SH3BGRL2: variants seen among roughly 807,000 people sequenced by gnomAD.
SH3BGRL2 encodes the protein SH3 domain-binding glutamic acid-rich-like protein 2.
A neutral mutation model predicts 14.8 loss-of-function variants in SH3BGRL2; 21 were observed. The observed-to-expected ratio is 1.42, with a 90% CI of 1.01 to 2.05. SH3BGRL2 has a LOEUF of 2.05. SH3BGRL2 is among the 30% of genes most tolerant of loss of function. SH3BGRL2 has a pLI of 0.00. For synonymous variants in SH3BGRL2, 50 were observed against 47.8 expected (o/e 1.05, Z -0.19); for missense variants, 147 against 130.8 (o/e 1.12, Z -0.61).
intron 2 of SH3BGRL2, among the ~76,000 whole-genome samples, chr6:79,692,933 T>A (rs562357468): frequency 2.0e-5 from 3 of 152,214 alleles, no homozygotes; most frequent in Non-Finnish European, 4.4e-5. Context: ...ATTTAATCTA[T>A]AAATTACCTT....
the SH3BGRL2 span, among the ~76,000 whole-genome samples, chr6:79,619,946 T>G: frequency 6.6e-6 from 1 of 152,228 alleles, no homozygotes. Flanking sequence ...AGAAAAATAT[T>G]GCACAATGAA....
chr6:79,619,618 C>T, the SH3BGRL2 span, among the ~76,000 whole-genome samples: 1 of 152,204 alleles, frequency 6.6e-6, no homozygotes, highest in African/African-American at 2.4e-5. Context: ...GAATTCATCA[C>T]ATCAACTCCA....
intron 2 of SH3BGRL2, among the ~76,000 whole-genome samples, chr6:79,692,752 T>G (rs1424326747): frequency 2.0e-5 from 3 of 152,208 alleles, no homozygotes; most frequent in African/African-American, 7.2e-5. Flanking sequence ...CTGTTTTGGT[T>G]ACTGTAGCCT....
the SH3BGRL2 span, among the ~76,000 whole-genome samples, chr6:79,557,643 T>G: frequency 1.3e-5 from 2 of 152,194 alleles, no homozygotes; most frequent in Non-Finnish European, 2.9e-5. Context: ...GTTTGGAATA[T>G]TTACATTTGG....
At chr6:79,674,341 T>C (rs1040899612) in intron 2 of SH3BGRL2, among the ~76,000 whole-genome samples, 2 of 152,114 alleles carry the variant, frequency 1.3e-5, no homozygotes, top group African/African-American at 4.8e-5. Context: ...TCAGTGCACC[T>C]CATATATGAA....
chr6:79,660,210 T>C (rs936661946), intron 1 of SH3BGRL2, among the ~76,000 whole-genome samples: 4 of 152,158 alleles, frequency 2.6e-5, no homozygotes, highest in African/African-American at 9.7e-5. Flanking sequence ...GCATCCTTGT[T>C]TTGTGCCAGT....
chr6:79,627,083 C>G (rs141764861), upstream of SH3BGRL2, among the ~76,000 whole-genome samples: 1 of 152,106 alleles, frequency 6.6e-6, no homozygotes, highest in African/African-American at 2.4e-5. Context: ...TCTATTTCCC[C>G]GGGCCACAGA....
intron 1 of SH3BGRL2, among the ~76,000 whole-genome samples, chr6:79,661,278 A>G (rs1262965575): frequency 1.1e-4 from 17 of 152,144 alleles, no homozygotes. Flanking sequence ...AGTACTATAA[A>G]TTTCCCTCTA....
chr6:79,563,734 G>C, the SH3BGRL2 span, among the ~76,000 whole-genome samples: 1 of 152,080 alleles, frequency 6.6e-6, no homozygotes. Context: ...AGTGAGTCTA[G>C]GTGAGACCAA....
At chr6:79,641,081 G>A (rs995739512) in intron 1 of SH3BGRL2, among the ~76,000 whole-genome samples, 2 of 152,004 alleles carry the variant, frequency 1.3e-5, no homozygotes, top group African/African-American at 2.4e-5. Flanking sequence ...TCCACAAGAC[G>A]TGGGAGTGTG....
At chr6:79,578,667 G>A in the SH3BGRL2 span, among the ~76,000 whole-genome samples, 1 of 152,100 alleles carries the variant, frequency 6.6e-6, no homozygotes, top group East Asian at 1.9e-4. Context: ...AAATACCAAA[G>A]GTTGATAAAA....
At chr6:79,578,762 C>T in the SH3BGRL2 span, among the ~76,000 whole-genome samples, 1 of 152,254 alleles carries the variant, frequency 6.6e-6, no homozygotes, top group African/African-American at 2.4e-5. Context: ...GATTGCAGCT[C>T]CTCGCCAGCA....
intron 1 of SH3BGRL2, among the ~76,000 whole-genome samples, chr6:79,668,920 C>T (rs1406763885): frequency 6.6e-6 from 1 of 152,148 alleles, no homozygotes; most frequent in East Asian, 1.9e-4. Flanking sequence ...ATGTAGCATC[C>T]TAAGCACAAT....
At chr6:79,645,171 T>C (rs112331550) in intron 1 of SH3BGRL2, among the ~76,000 whole-genome samples, 3,903 of 127,824 alleles carry the variant, frequency 0.031, 187 homozygotes, top group African/African-American at 0.1. Context: ...AAAAAAAAAA[T>C]AGGTCCTGAG....
chr6:79,671,195 G>A (rs191386585), intron 1 of SH3BGRL2, among the ~76,000 whole-genome samples: 15 of 152,288 alleles, frequency 9.8e-5, no homozygotes, highest in African/African-American at 2.9e-4. Flanking sequence ...GGTCAGGCAC[G>A]GTGGCTCACG....
the SH3BGRL2 span, among the ~76,000 whole-genome samples, chr6:79,540,885 A>G: frequency 6.6e-5 from 10 of 152,232 alleles, no homozygotes; most frequent in Admixed American, 1.3e-4. Flanking sequence ...GGATGGAGGT[A>G]GGATCAAGTG....
At chr6:79,602,158 AT>A in the SH3BGRL2 span, among the ~76,000 whole-genome samples, 1 of 152,248 alleles carries the variant, frequency 6.6e-6, no homozygotes, top group African/African-American at 2.4e-5. Context: ...AATGCTTACA[AT>A]GAGCCAAATT....
the SH3BGRL2 span, among the ~76,000 whole-genome samples, chr6:79,591,973 A>C: frequency 6.6e-6 from 1 of 152,174 alleles, no homozygotes; most frequent in African/African-American, 2.4e-5. Flanking sequence ...TAGGTCTTTC[A>C]TGTCTCTAAG....
At chr6:79,614,450 A>C in the SH3BGRL2 span, among the ~76,000 whole-genome samples, 4 of 152,118 alleles carry the variant, frequency 2.6e-5, no homozygotes, top group East Asian at 7.7e-4. Flanking sequence ...GAGAGAGTAC[A>C]CTGCGGACCC....
Sources: allele counts gnomAD v4.1 joint callset (sites outside exome capture counted in the v4.1 genomes callset), GRCh38; gene constraint gnomAD v4.1.1; transcripts MANE v1.5; gene names NCBI Gene and HGNC (gene_info 2026-07-23, HGNC 2026-07-21).